The following ZNF831 variants were observed in gnomAD, a reference collection of about 807,000 sequenced individuals.
The protein encoded by ZNF831 is chromosome 20 open reading frame 174.
Under a neutral mutation model 95.8 loss-of-function variants are expected in ZNF831, and 59 were observed. The observed-to-expected ratio is 0.62, with a 90% CI of 0.50 to 0.77. ZNF831 has a LOEUF of 0.77. Ranked by LOEUF, ZNF831 falls within the 30% of genes least tolerant of loss-of-function variation. The pLI, the probability that ZNF831 is intolerant of heterozygous loss-of-function variation, is 0.00. For missense variants in ZNF831, 2,205 were observed against 2,164.0 expected, an observed-to-expected ratio of 1.02 and a Z score of -0.38; for synonymous variants, 961 against 925.5, an observed-to-expected ratio of 1.04 and a Z score of -0.70.
chr20:59,244,044 CA>C (rs1434233380), intron 4 of ZNF831, among the ~76,000 whole-genome samples: 1 of 151,830 alleles, frequency 6.6e-6, no homozygotes, highest in African/African-American at 2.4e-5. Flanking sequence ...TTTGACTTAC[CA>C]AAAGATTTTA....
At chr20:59,184,665 C>T (rs1982872847) in intron 1 of ZNF831, among the ~76,000 whole-genome samples, 1 of 152,166 alleles carries the variant, frequency 6.6e-6, no homozygotes, top group South Asian at 2.1e-4. Flanking sequence ...GTAACTACAC[C>T]AGCCATCTTA....
At chr20:59,162,002 T>A (rs879452487), upstream of ZNF831, among the ~76,000 whole-genome samples, 2 of 152,242 alleles carry the variant, frequency 1.3e-5, no homozygotes, top group Non-Finnish European at 2.9e-5. Context: ...GATTTGCATT[T>A]CTCTGATAAT....
intron 2 of ZNF831, among the ~76,000 whole-genome samples, chr20:59,151,950 A>G (rs185662502): frequency 1.7e-3 from 258 of 152,284 alleles, no homozygotes; most frequent in Non-Finnish European, 2.5e-3. Context: ...GGGGCCATAT[A>G]GCCTCAGCCA....
chr20:59,252,874 A>C, intron 4 of ZNF831, 104 bp from the exon 5 acceptor site: 3 of 1,239,974 alleles, frequency 2.4e-6, no homozygotes, highest in Non-Finnish European at 2.2e-6. Context: ...ATGAGGGTTA[A>C]TGAGCTCAGA....
rs1262611679 is a variant in ZNF831 at position 59,208,247 on chromosome 20, A to C, written c.4027+1191A>C. On this transcript the variant is annotated intron_variant, in intron 4 of 5. Transcript: ENST00000371030. This position sits in a 1 kb window ranked among gnomAD's most constrained non-coding sequence, Gnocchi z 4.2. ...ATCTGTGGCTCTCAACCTCACCTCC[A>C]TCTCCCTCCTCTGTATCCAGCGAAA... is the stretch of plus-strand genomic sequence containing the variant. 6.6e-6 allele frequency among the ~76,000 whole-genome samples: 1 copy of C among 152,114 alleles called. No homozygotes were observed. The highest frequency in any genetic ancestry group is 2.4e-5 in the African/African-American group (1 of 41,418).
intron 2 of ZNF831, among the ~76,000 whole-genome samples, chr20:59,152,679 G>A (rs1477566119): frequency 6.6e-6 from 1 of 152,146 alleles, no homozygotes; most frequent in Non-Finnish European, 1.5e-5. Flanking sequence ...GCTTCCCTGA[G>A]GGCATAAGTG....
At chr20:59,178,939 A>G (rs564764593) in intron 1 of ZNF831, among the ~76,000 whole-genome samples, 11 of 152,258 alleles carry the variant, frequency 7.2e-5, no homozygotes, top group Admixed American at 2.0e-4. Context: ...TAAACACTCT[A>G]TCAAATAAAC....
Position 59,192,234 on chromosome 20 carries a change from G to A in ZNF831, c.1215G>A (p.Glu405=), listed in dbSNP as rs1377365704. ...TGGAGCTGGAGAAGAAGCGGCTGGA[G>A]GAGCGCATCGCCCAGCTCATCTCCC... ...AGLELEKKRL[E]ERIAQLISHN... Residue 405 remains glutamate (E), a synonymous_variant, in exon 2 of 6, where the codon GAG becomes GAA. Transcript: ENST00000371030. The surrounding 1 kb of genome is among the most constrained non-coding windows in gnomAD (Gnocchi z 5.2). 2 of 1,594,406 alleles carry A rather than the reference G, an allele frequency of 1.3e-6. No homozygotes were observed. Among genetic ancestry groups the A allele is most frequent in the Non-Finnish European group, 1.7e-6 (2 of 1,171,406 alleles).
In ZNF831 at chr20:59,196,786, T is replaced by G. The variant is rs139816621; in HGVS notation, c.3875+781T>G. On this transcript the variant is annotated intron_variant, in intron 3 of 5. Transcript: ENST00000371030. ...CTCCCCCAGACTGTCAGTCCTTTTT[T>G]TTCTTTTTTGAGACTGAGTCTGACT... Among the ~76,000 whole-genome samples, 935 of 152,206 alleles carry G rather than the reference T, an allele frequency of 6.1e-3. 4 individuals carry two copies. The highest frequency in any genetic ancestry group is 9.6e-3 in the Non-Finnish European group (650 of 68,000).
At chr20:59,214,458 G>A (rs1342790554) in intron 4 of ZNF831, among the ~76,000 whole-genome samples, 1 of 152,212 alleles carries the variant, frequency 6.6e-6, no homozygotes, top group Non-Finnish European at 1.5e-5. Context: ...CTGGGGGGCA[G>A]TTTTCCACTG....
intron 2 of ZNF831, among the ~76,000 whole-genome samples, chr20:59,148,300 A>T (rs1211157033): frequency 6.6e-6 from 1 of 152,166 alleles, no homozygotes; most frequent in East Asian, 1.9e-4. Flanking sequence ...CAAGGGGTGC[A>T]CATGAGCTCT....
At chr20:59,237,926 C>T (rs1987093708) in intron 4 of ZNF831, among the ~76,000 whole-genome samples, 1 of 152,064 alleles carries the variant, frequency 6.6e-6, no homozygotes, top group Non-Finnish European at 1.5e-5. Flanking sequence ...AGTTGGATGG[C>T]CAGATTTTGC....
At chr20:59,238,905 G>A (rs185239813) in intron 4 of ZNF831, among the ~76,000 whole-genome samples, 62 of 152,276 alleles carry the variant, frequency 4.1e-4, no homozygotes, top group Admixed American at 2.4e-3. Context: ...CACAGCAGAC[G>A]CAGGGCCGGA....
intron 4 of ZNF831, among the ~76,000 whole-genome samples, chr20:59,249,226 C>T (rs553497101): frequency 6.0e-4 from 92 of 152,296 alleles, no homozygotes; most frequent in African/African-American, 2.2e-3. Context: ...ACAGTCCTCC[C>T]TGGCTACTCT....
At chr20:59,178,148 T>G (rs74715624) in intron 1 of ZNF831, among the ~76,000 whole-genome samples, 1 of 152,312 alleles carries the variant, frequency 6.6e-6, no homozygotes, top group South Asian at 2.1e-4. Flanking sequence ...TGAGCCTGCT[T>G]GAGGGAACCA....
At chr20:59,209,693 A>G (rs1220475912) in intron 4 of ZNF831, among the ~76,000 whole-genome samples, 2 of 152,208 alleles carry the variant, frequency 1.3e-5, no homozygotes, top group African/African-American at 4.8e-5. Flanking sequence ...TTGGAGGCCA[A>G]GAGAGGCTGA....
At chr20:59,223,607 C>T (rs1986243782) in intron 4 of ZNF831, among the ~76,000 whole-genome samples, 1 of 152,142 alleles carries the variant, frequency 6.6e-6, no homozygotes, top group Non-Finnish European at 1.5e-5. Flanking sequence ...CGTGTCTCAG[C>T]TCTTCTGTGC....
rs572383381 is a variant in ZNF831 at position 59,177,517 on chromosome 20, C to T, written c.-37+13310C>T. ...GGTACCAGCATGGCTCATTCCACCA[C>T]TAGGTTCCCATGTTAAAACCAGGCA... is the stretch of plus-strand genomic sequence containing the variant. On this transcript the variant is annotated intron_variant, in intron 1 of 5. Transcript: ENST00000371030. 3.9e-5 allele frequency among the ~76,000 whole-genome samples: 6 copies of T among 152,300 alleles called. No homozygotes were observed. The South Asian group carries it at 1.2e-3, about 32-fold the overall frequency.
Position 59,201,540 on chromosome 20 carries a change from G to A in ZNF831, c.3876-5365G>A, listed in dbSNP as rs367625375. 4.3e-4 allele frequency among the ~76,000 whole-genome samples: 65 copies of A among 152,244 alleles called. 1 individual carries two copies. In the South Asian group the frequency reaches 0.013, roughly 30 times the overall value. ...TTAGTGTCATAGTTTAAAAAAGTGT[G>A]TCTAAACAGAGCTTCAAAGCTTTTC... On this transcript the variant is annotated intron_variant, in intron 3 of 5. Transcript: ENST00000371030.
Sources: gnomAD v4.1 joint callset for allele counts (sites outside exome capture counted in the v4.1 genomes callset) on GRCh38, gnomAD v4.1.1 for gene constraint, Gnocchi (gnomAD v3.1) non-coding constraint, MANE v1.5 for transcripts, NCBI Gene and HGNC (gene_info 2026-07-23, HGNC 2026-07-21) for gene names.